The following ATP2C2 variants were observed in gnomAD, a reference collection of about 807,000 sequenced individuals.
ATP2C2 encodes the protein calcium-transporting ATPase type 2C member 2.
A neutral mutation model predicts 110.8 loss-of-function variants in ATP2C2; 171 were observed. That is an observed-to-expected ratio of 1.54 (90% CI 1.36 to 1.75). The LOEUF (loss-of-function observed/expected upper bound fraction) is 1.75. ATP2C2 is among the 40% of genes most tolerant of loss of function. ATP2C2 has a pLI of 0.00. For synonymous variants in ATP2C2, 804 were observed against 508.4 expected (o/e 1.58, Z -7.82); for missense variants, 1,963 against 1,235.0 (o/e 1.59, Z -8.84).
chr16:84,412,186 T>A (rs905808657), intron 6 of ATP2C2, among the ~76,000 whole-genome samples: 1 of 152,190 alleles, frequency 6.6e-6, no homozygotes, highest in African/African-American at 2.4e-5. Context: ...ACCTGACTAC[T>A]TTTTTGTATC....
intron 13 of ATP2C2, 79 bp from the exon 14 acceptor site, chr16:84,440,778 C>G: frequency 9.2e-7 from 1 of 1,081,842 alleles, no homozygotes; most frequent in Non-Finnish European, 1.4e-6. Context: ...AATGGATCCC[C>G]AGGACAGAGA....
At chr16:84,369,907 A>C (rs1364343094) in intron 1 of ATP2C2, among the ~76,000 whole-genome samples, 3 of 152,228 alleles carry the variant, frequency 2.0e-5, no homozygotes, top group Non-Finnish European at 4.4e-5. Context: ...GCATGTTAAT[A>C]TTGATAGGAT....
At chr16:84,396,479 G>A (rs537707957) in intron 1 of ATP2C2, among the ~76,000 whole-genome samples, 7 of 150,320 alleles carry the variant, frequency 4.7e-5, no homozygotes, top group Non-Finnish European at 7.4e-5. Flanking sequence ...GAACCCGGGA[G>A]GAGGAGGTTG....
chr16:84,397,670 A>AAAAAAAAAAAAAAAAAAAAAC lies in ATP2C2; in HGVS notation c.100-826_100-825insAAAAAAAAAAAAAAAAACAAA, dbSNP rs1555553736. On this transcript the variant is annotated intron_variant, in intron 1 of 26. Coordinates refer to ENST00000262429, the MANE Select transcript of ATP2C2 (RefSeq NM_014861.4). ...GCCTGGGTGACAAAAAAAAAAAAAA[A>AAAAAAAAAAAAAAAAAAAAAC]AAACTTGCTTAAAAATAGATGCATC... is the stretch of plus-strand genomic sequence containing the variant. Among the ~76,000 whole-genome samples, 235 of 145,790 alleles carry AAAAAAAAAAAAAAAAAAAAAC rather than the reference A, an allele frequency of 1.6e-3. 2 individuals carry two copies. The highest frequency in any genetic ancestry group is 3.0e-3 in the Non-Finnish European group (193 of 65,078).
intron 7 of ATP2C2, among the ~76,000 whole-genome samples, chr16:84,417,556 C>A (rs1471463483): frequency 6.6e-6 from 1 of 152,208 alleles, no homozygotes; most frequent in Admixed American, 6.5e-5. Context: ...CAGGTAACTT[C>A]CTTACTGCTT....
chr16:84,402,076 T>G (rs539918187), intron 2 of ATP2C2, among the ~76,000 whole-genome samples: 1 of 152,150 alleles, frequency 6.6e-6, no homozygotes, highest in South Asian at 2.1e-4. Flanking sequence ...ATATTTAATT[T>G]GCAGCTGTGG....
chr16:84,444,771 C>A (rs909472570), intron 15 of ATP2C2, among the ~76,000 whole-genome samples: 1 of 152,140 alleles, frequency 6.6e-6, no homozygotes, highest in Non-Finnish European at 1.5e-5. Flanking sequence ...TTTCCTTTTT[C>A]CTGGGGCCTG....
intron 15 of ATP2C2, 122 bp from the exon 16 acceptor site, chr16:84,446,207 A>G (rs1427939142): frequency 1.2e-5 from 6 of 486,920 alleles, no homozygotes; most frequent in Non-Finnish European, 1.7e-5. Flanking sequence ...TCTATGTGCT[A>G]AATGCTTGGA....
chr16:84,445,347 T>C lies in ATP2C2; in HGVS notation c.1402-982T>C, dbSNP rs373996723. The stretch of plus-strand genomic sequence containing the variant: ...CCTCAGCCTCCCAAGTAGCTGGGAC[T>C]ACAGGCGCCTGCCACCACGCCTGGC... On this transcript the variant is annotated intron_variant, in intron 15 of 26. Transcript: ENST00000262429. Among the ~76,000 whole-genome samples, 20 of 152,196 alleles carry C rather than the reference T, an allele frequency of 1.3e-4. No individual in the cohort carries two copies. In the East Asian group the frequency reaches 3.9e-3, roughly 29 times the overall value.
intron 6 of ATP2C2, among the ~76,000 whole-genome samples, chr16:84,413,659 A>G (rs1465612773): frequency 6.6e-6 from 1 of 152,148 alleles, no homozygotes; most frequent in Non-Finnish European, 1.5e-5. Context: ...GGTCACTTCT[A>G]AAAGACGGTT....
chr16:84,463,651 C>T lies in ATP2C2; in HGVS notation c.2760C>T (p.Phe920=). 2 of 1,614,212 alleles carry T rather than the reference C, an allele frequency of 1.2e-6. No individual in the cohort carries two copies. Among genetic ancestry groups the T allele is most frequent in the Non-Finnish European group, 8.5e-7 (1 of 1,180,040 alleles). ...LFLTGLASSV[F]ILSELLKLCE... ...TAACTGGATTGGCCTCATCCGTCTT[C>T]ATTTTGTCAGAGCTCCTCAAACTAT... Residue 920 remains phenylalanine (F), a synonymous_variant, in exon 27 of 27, where the codon TTC becomes TTT. Coordinates refer to ENST00000262429, the MANE Select transcript of ATP2C2 (RefSeq NM_014861.4).
intron 11 of ATP2C2, among the ~76,000 whole-genome samples, chr16:84,430,217 G>A (rs939036463): frequency 7.9e-5 from 12 of 152,164 alleles, no homozygotes; most frequent in Non-Finnish European, 1.2e-4. Context: ...CTGGGCTGCC[G>A]GGAGAAGGGG....
At chr16:84,422,844 T>A (rs1193022743) in intron 9 of ATP2C2, 147 bp downstream of exon 9, 10 of 942,472 alleles carry the variant, frequency 1.1e-5, no homozygotes, top group East Asian at 2.8e-5. Context: ...TTTTTTTTTT[T>A]AATAGAGACA....
At chr16:84,383,788 T>G (rs1275455724) in intron 1 of ATP2C2, among the ~76,000 whole-genome samples, 62 of 10,556 alleles carry the variant, frequency 5.9e-3, no homozygotes, top group South Asian at 7.9e-3. Context: ...GTTTTGTTGG[T>G]TTTTTTTTTT....
intron 18 of ATP2C2, 72 bp downstream of exon 18, chr16:84,452,163 AG>A: frequency 6.3e-7 from 1 of 1,579,006 alleles, no homozygotes; most frequent in South Asian, 1.1e-5. Context: ...CTGCTACCAA[AG>A]GGAAGCCTCC....
At position 84,415,541 on chromosome 16, in the gene ATP2C2, G is replaced by GT; in HGVS notation, c.575dup (p.Ser193IlefsTer16). 1 of 1,614,130 alleles carries GT rather than the reference G, an allele frequency of 6.2e-7. No individual in the cohort carries two copies. The highest frequency in any genetic ancestry group is 8.5e-7 in the Non-Finnish European group (1 of 1,180,008). On this transcript the variant is annotated frameshift_variant, in exon 7 of 27. Transcript: ENST00000262429. LOFTEE classifies it high-confidence loss of function. ...TCGAGAACTGGTTCCTGGTGATGTC[G>GT]TATCTCTCTCGATCGGAGACCGGAT...
intron 1 of ATP2C2, among the ~76,000 whole-genome samples, chr16:84,389,220 C>A (rs1190536256): frequency 6.6e-6 from 1 of 152,180 alleles, no homozygotes; most frequent in African/African-American, 2.4e-5. Context: ...TTCTCAGCAC[C>A]TTCATGCCTG....
chr16:84,411,916 TTTTCTTTTC>T (rs1906333798), intron 6 of ATP2C2, among the ~76,000 whole-genome samples: 2 of 151,884 alleles, frequency 1.3e-5, no homozygotes, highest in Admixed American at 6.6e-5. Flanking sequence ...GCTTTTTCCT[TTTTCTTTTC>T]TTTCTTTCCT....
At chr16:84,406,378 C>T (rs1465299408) in intron 3 of ATP2C2, among the ~76,000 whole-genome samples, 2 of 152,214 alleles carry the variant, frequency 1.3e-5, no homozygotes, top group East Asian at 1.9e-4. Flanking sequence ...CCTTAGATCC[C>T]CTTTTCCAGC....
Sources: allele counts gnomAD v4.1 joint callset (sites outside exome capture counted in the v4.1 genomes callset), GRCh38; gene constraint gnomAD v4.1.1; transcripts MANE v1.5; gene names NCBI Gene and HGNC (gene_info 2026-07-23, HGNC 2026-07-21).